Variants in PRXL2C observed in about 807,000 individuals in gnomAD.
The protein encoded by PRXL2C is peroxiredoxin-like 2C.
A neutral mutation model predicts 24.9 loss-of-function variants in PRXL2C; 38 were observed. The ratio of observed to expected loss-of-function variants is 1.53; its 90% CI spans 1.18 to 2.00. The LOEUF (loss-of-function observed/expected upper bound fraction) is 2.00. Ranked by LOEUF, PRXL2C falls within the 30% of genes most tolerant of loss-of-function variation. The pLI is 0.00. For missense variants in PRXL2C, 294 were observed against 290.9 expected, an observed-to-expected ratio of 1.01 and a Z score of -0.08; for synonymous variants, 98 against 117.2, an observed-to-expected ratio of 0.84 and a Z score of 1.06.
rs951750266 is a variant in PRXL2C at position 96,645,545 on chromosome 9, C to T, written c.553+348G>A. Among the ~76,000 whole-genome samples the T allele has an allele frequency of 9.2e-5, 14 of 151,932 alleles. No homozygotes were observed. The East Asian group carries it at 9.8e-4, about 11-fold the overall frequency. ...GGGCGCGGTGGCTCATGCCTGTAAT[C>T]CCAACACTTTGGGAGGCCGAGGTGG... On this transcript the variant is annotated intron_variant, in intron 5 of 5. Coordinates refer to ENST00000375234, the MANE Select transcript of PRXL2C (RefSeq NM_153698.2).
intron 4 of PRXL2C, among the ~76,000 whole-genome samples, chr9:96,647,119 T>G (rs1248250450): frequency 6.6e-6 from 1 of 152,092 alleles, no homozygotes; most frequent in African/African-American, 2.4e-5. Flanking sequence ...TAAAAAGAAA[T>G]AACCTCCTAC....
intron 5 of PRXL2C, among the ~76,000 whole-genome samples, chr9:96,643,267 G>A (rs140105845): frequency 5.5e-4 from 83 of 152,180 alleles, no homozygotes; most frequent in African/African-American, 1.9e-3. Context: ...ATTTTTGGGG[G>A]CAGTGTCTTG....
chr9:96,654,131 T>C (rs1848314312), intron 2 of PRXL2C, among the ~76,000 whole-genome samples: 1 of 152,180 alleles, frequency 6.6e-6, no homozygotes, highest in Non-Finnish European at 1.5e-5. Flanking sequence ...TGAGCCACCG[T>C]GCCCGGCCGC....
intron 4 of PRXL2C, among the ~76,000 whole-genome samples, chr9:96,649,472 G>A (rs1848239885): frequency 7.2e-6 from 1 of 138,124 alleles, no homozygotes; most frequent in Non-Finnish European, 1.5e-5. Context: ...GCTGAGGCAG[G>A]AGAATCACTT....
chr9:96,654,867 A>C lies in PRXL2C; in HGVS notation c.193-94T>G, dbSNP rs573594592. 21 of 1,340,002 alleles carry C rather than the reference A, an allele frequency of 1.6e-5. 1 individual carries two copies. The East Asian group carries it at 5.5e-4, about 35-fold the overall frequency. 83.0% of individuals were successfully genotyped at this position (1,340,002 alleles called of 1,614,324 possible). Reference sequence around the variant, plus strand: ...ACTTCGCCGTGCGTGACGCGAGCAAAGGCGACGCCCGCGGGGCCGGGACCG... The same window carrying C: ...ACTTCGCCGTGCGTGACGCGAGCAACGGCGACGCCCGCGGGGCCGGGACCG... On this transcript the variant is annotated intron_variant, in intron 1 of 5. Coordinates refer to ENST00000375234, the MANE Select transcript of PRXL2C (RefSeq NM_153698.2).
intron 5 of PRXL2C, 81 bp downstream of exon 5, chr9:96,645,810 AAG>A: frequency 1.4e-6 from 2 of 1,454,436 alleles, no homozygotes; most frequent in Non-Finnish European, 9.2e-7. Context: ...AAAAAAAAAA[AAG>A]GAAAAGAAAA....
intron 4 of PRXL2C, 78 bp downstream of exon 4, chr9:96,651,312 C>T: frequency 9.6e-7 from 1 of 1,040,608 alleles, no homozygotes; most frequent in South Asian, 1.5e-5. Flanking sequence ...ATGAATTGAC[C>T]ATGTTTCCCT....
rs905239451 is a variant in PRXL2C at position 96,655,240 on chromosome 9, G to A, written c.42C>T (p.Ala14=). 1.2e-5 allele frequency: 14 copies of A among 1,129,272 alleles called. No homozygotes were observed. Among genetic ancestry groups the A allele is most frequent in the Non-Finnish European group, 1.4e-5 (13 of 923,660 alleles). The allele number at this position is 1,129,272 out of a possible 1,614,324, so 70.0% of individuals were successfully genotyped here. A position where few individuals can be genotyped will look rare whatever the true frequency, so the allele number is the denominator to read the frequency against. Residue 14 remains alanine (A), a synonymous_variant, in exon 1 of 6, where the codon GCC becomes GCT. Coordinates refer to ENST00000375234, the MANE Select transcript of PRXL2C (RefSeq NM_153698.2). ...PAPVTRQVSG[A]AALVPAPSGP... ...CGCTCGGGGCCGGGACCAGGGCGGC[G>A]GCGCCGCTAACCTGCCGCGTGACCG...
Position 96,654,736 on chromosome 9 carries a change from T to G in PRXL2C, c.230A>C (p.Asp77Ala). The change falls in exon 2 of 6, where the codon GAT becomes GCT. Residue 77 changes from aspartate (D) to alanine (A), a missense_variant. Asp to Ala is a moderately radical substitution (Grantham distance 126). Coordinates refer to ENST00000375234, the MANE Select transcript of PRXL2C (RefSeq NM_153698.2). Reference sequence around the variant, plus strand: ...GAAACTCCTGGGGATTTTGGCCAGATCCTCTACGTATTCCTTGCAGATGTA... The same window carrying G: ...GAAACTCCTGGGGATTTTGGCCAGAGCCTCTACGTATTCCTTGCAGATGTA... ...LCYICKEYVEDLAKIPRSFLQ... is the reference protein window; with the variant it reads ...LCYICKEYVEALAKIPRSFLQ... 1.3e-6 allele frequency: 2 copies of G among 1,567,054 alleles called. No individual in the cohort carries two copies. The highest frequency in any genetic ancestry group is 1.7e-6 in the Non-Finnish European group (2 of 1,154,512).
At chr9:96,653,786 A>C (rs902390822) in intron 2 of PRXL2C, among the ~76,000 whole-genome samples, 4 of 152,168 alleles carry the variant, frequency 2.6e-5, no homozygotes, top group Non-Finnish European at 5.9e-5. Context: ...GATATAGTAA[A>C]TAATTCTCTA....
chr9:96,648,192 G>C lies in PRXL2C; in HGVS notation c.422-2168C>G, dbSNP rs139358417. Among the ~76,000 whole-genome samples the C allele has an allele frequency of 2.6e-3, 400 of 152,196 alleles. 4 individuals carry two copies. The highest frequency in any genetic ancestry group is 8.5e-3 in the African/African-American group (352 of 41,552). On this transcript the variant is annotated intron_variant, in intron 4 of 5. Transcript: ENST00000375234. ...TGCTAGGAATGCAGGTGTGAGCCAC[G>C]ACACCCAGCCCAAACTCTCTTCTTA...
chr9:96,641,953 T>C, intron 5 of PRXL2C, 67 bp from the exon 6 acceptor site: 2 of 1,333,444 alleles, frequency 1.5e-6, no homozygotes, highest in Non-Finnish European at 9.8e-7. Context: ...CTTACTAAAA[T>C]CAAGGAAGCT....
intron 5 of PRXL2C, among the ~76,000 whole-genome samples, chr9:96,644,820 C>G (rs1379550808): frequency 6.9e-6 from 1 of 144,092 alleles, no homozygotes; most frequent in Admixed American, 7.2e-5. Context: ...CTAGCACTGA[C>G]TAACTTGCTG....
chr9:96,644,090 A>C (rs1848157761), intron 5 of PRXL2C, among the ~76,000 whole-genome samples: 1 of 145,570 alleles, frequency 6.9e-6, no homozygotes, highest in South Asian at 2.2e-4. Context: ...CCGAGATTAC[A>C]CCACTGCACT....
intron 5 of PRXL2C, among the ~76,000 whole-genome samples, chr9:96,643,974 A>G (rs1266496044): frequency 6.6e-6 from 1 of 151,908 alleles, no homozygotes; most frequent in African/African-American, 2.4e-5. Flanking sequence ...CTCTACTAAA[A>G]ATACAAAAAT....
At chr9:96,649,338 G>A (rs1272116668) in intron 4 of PRXL2C, among the ~76,000 whole-genome samples, 8 of 150,054 alleles carry the variant, frequency 5.3e-5, no homozygotes, top group African/African-American at 2.0e-4. Context: ...GCCGAGGTGG[G>A]TGGATCACCT....
At chr9:96,650,402 T>G (rs1214513004) in intron 4 of PRXL2C, among the ~76,000 whole-genome samples, 1 of 152,184 alleles carries the variant, frequency 6.6e-6, no homozygotes, top group African/African-American at 2.4e-5. Context: ...TAAGCTCTAT[T>G]AATTACAAGG....
At position 96,654,930 on chromosome 9, in the gene PRXL2C, C is replaced by T. The variant is rs929956351; in HGVS notation, c.193-157G>A. On this transcript the variant is annotated intron_variant, in intron 1 of 5. Coordinates refer to ENST00000375234, the MANE Select transcript of PRXL2C (RefSeq NM_153698.2). ...CCCGGCGCGTGGGAAGCGGGCCTCG[C>T]CCTCGCCCTCTCCCTGCCCCGCCCT... The T allele has an allele frequency of 4.7e-5, 56 of 1,191,596 alleles. No homozygotes were observed. The African/African-American group carries it at 8.5e-4, about 18-fold the overall frequency. The allele number at this position is 1,191,596 out of a possible 1,614,324, so 73.8% of individuals were successfully genotyped here. A position where few individuals can be genotyped will look rare whatever the true frequency, so the allele number is the denominator to read the frequency against.
chr9:96,648,021 C>T (rs1317995028), intron 4 of PRXL2C, among the ~76,000 whole-genome samples: 3 of 152,140 alleles, frequency 2.0e-5, no homozygotes, highest in African/African-American at 7.2e-5. Context: ...TCTCCCACCT[C>T]AGCCTCCCGC....
Sources: gnomAD v4.1 joint callset for allele counts (sites outside exome capture counted in the v4.1 genomes callset) on GRCh38, gnomAD v4.1.1 for gene constraint, MANE v1.5 for transcripts, NCBI Gene and HGNC (gene_info 2026-07-23, HGNC 2026-07-21) for gene names.